The following SYNE3 variants were observed in gnomAD, a reference collection of about 807,000 sequenced individuals.
SYNE3 encodes nesprin-3.
A neutral mutation model predicts 111.2 loss-of-function variants in SYNE3; 100 were observed. That is an observed-to-expected ratio of 0.90 (90% CI 0.77 to 1.06). The LOEUF is 1.06. Ranked by LOEUF, SYNE3 falls within the 50% of genes least tolerant of loss-of-function variation. The pLI is 0.00. For missense variants in SYNE3, 1,160 were observed against 1,240.3 expected, an observed-to-expected ratio of 0.94 and a Z score of 0.97; for synonymous variants, 547 against 533.9, an observed-to-expected ratio of 1.02 and a Z score of -0.34.
chr14:95,435,255 A>T (rs1233301948), intron 15 of SYNE3, among the ~76,000 whole-genome samples: 1 of 152,150 alleles, frequency 6.6e-6, no homozygotes, highest in Non-Finnish European at 1.5e-5. Flanking sequence ...AAAAAAAGAT[A>T]AGAAAAATGA....
intron 2 of SYNE3, among the ~76,000 whole-genome samples, chr14:95,474,073 G>A (rs1297085112): frequency 6.7e-6 from 1 of 150,164 alleles, no homozygotes; most frequent in African/African-American, 2.5e-5. Context: ...GCTAAGGCTG[G>A]TGTGAGCTTG....
At chr14:95,474,021 A>G (rs113893754) in intron 2 of SYNE3, among the ~76,000 whole-genome samples, 122 of 83,280 alleles carry the variant, frequency 1.5e-3, no homozygotes, top group East Asian at 2.6e-3. Flanking sequence ...AGTGGCTGGA[A>G]CTAAGGCTGG....
At chr14:95,509,384 T>A (rs1401871537) in intron 1 of SYNE3, among the ~76,000 whole-genome samples, 2 of 152,108 alleles carry the variant, frequency 1.3e-5, no homozygotes, top group Non-Finnish European at 2.9e-5. Context: ...GACCTAATCC[T>A]CAGAGCAAGG....
chr14:95,465,834 T>TAGCTTGATAGTAGGCAAAC, intron 4 of SYNE3, 97 bp downstream of exon 4: 1 of 1,309,536 alleles, frequency 7.6e-7, no homozygotes, highest in Non-Finnish European at 1.0e-6. Context: ...AGTAGGTAAA[T>TAGCTTGATAGTAGGCAAAC]AGCTTGATAG....
At chr14:95,475,242 G>A (rs971356403) in intron 2 of SYNE3, among the ~76,000 whole-genome samples, 3 of 152,228 alleles carry the variant, frequency 2.0e-5, no homozygotes, top group Non-Finnish European at 4.4e-5. Flanking sequence ...GCTGGGCAGA[G>A]CCCCTTCCCC....
At chr14:95,454,187 G>C (rs1181832643) in intron 6 of SYNE3, among the ~76,000 whole-genome samples, 2 of 152,260 alleles carry the variant, frequency 1.3e-5, no homozygotes, top group African/African-American at 2.4e-5. Context: ...GCAGTCCCAG[G>C]GGGGATGGAT....
chr14:95,445,786 C>T (rs1886677454), intron 9 of SYNE3, 123 bp downstream of exon 9: 1 of 1,075,292 alleles, frequency 9.3e-7, no homozygotes, highest in Non-Finnish European at 1.4e-6. Flanking sequence ...AAGGGATACA[C>T]CCAGGGCCAC....
chr14:95,472,700 GC>G (rs1026898250), intron 2 of SYNE3, among the ~76,000 whole-genome samples: 4 of 152,176 alleles, frequency 2.6e-5, no homozygotes, highest in Non-Finnish European at 5.9e-5. Flanking sequence ...AGACTTTGGA[GC>G]CCGGGCCTGC....
intron 2 of SYNE3, among the ~76,000 whole-genome samples, chr14:95,469,742 A>G (rs892700770): frequency 1.3e-5 from 2 of 152,114 alleles, no homozygotes; most frequent in African/African-American, 4.8e-5. Context: ...TAAAAATAAA[A>G]TAAAAACACT....
At chr14:95,507,648 G>T (rs952560671) in intron 1 of SYNE3, among the ~76,000 whole-genome samples, 8 of 152,352 alleles carry the variant, frequency 5.3e-5, no homozygotes, top group Non-Finnish European at 1.2e-4. Context: ...CTAAAATTAT[G>T]CCTGAGCAAA....
At chr14:95,491,828 T>A (rs1210984554) in intron 1 of SYNE3, among the ~76,000 whole-genome samples, 1 of 145,702 alleles carries the variant, frequency 6.9e-6, no homozygotes, top group Non-Finnish European at 1.5e-5. Flanking sequence ...TCCCACAGAA[T>A]GGAACAAAAT....
At chr14:95,508,734 C>T (rs998032059) in intron 1 of SYNE3, among the ~76,000 whole-genome samples, 3 of 152,182 alleles carry the variant, frequency 2.0e-5, no homozygotes, top group Non-Finnish European at 2.9e-5. Context: ...GTCCCAGGGA[C>T]GCCAAGAGAT....
At chr14:95,511,822 T>C (rs1890732588) in intron 1 of SYNE3, among the ~76,000 whole-genome samples, 1 of 152,180 alleles carries the variant, frequency 6.6e-6, no homozygotes, top group South Asian at 2.1e-4. Flanking sequence ...AGGAGGAGCC[T>C]TGTGACCCAA....
At chr14:95,477,319 C>A (rs527765097) in intron 1 of SYNE3, among the ~76,000 whole-genome samples, 2 of 152,350 alleles carry the variant, frequency 1.3e-5, no homozygotes, top group East Asian at 3.9e-4. Flanking sequence ...TCAGGCCTCT[C>A]TCTCCCTGGC....
intron 1 of SYNE3, among the ~76,000 whole-genome samples, chr14:95,494,267 T>A (rs1281899281): frequency 6.6e-6 from 1 of 152,174 alleles, no homozygotes; most frequent in Non-Finnish European, 1.5e-5. Flanking sequence ...GCTATGGGTG[T>A]TAAATGCAGA....
rs1196372510 is a variant in SYNE3 at position 95,445,919 on chromosome 14, C to G, written c.1622G>C (p.Ser541Thr). The change falls in exon 9 of 18, where the codon AGC becomes ACC. Residue 541 changes from serine (S) to threonine (T), a missense_variant. Ser to Thr is a moderately conservative substitution (Grantham distance 58). Coordinates refer to ENST00000682763, the MANE Select transcript of SYNE3 (RefSeq NM_152592.6). The part of the protein sequence containing the change: ...LLHNSLLQRK[S>T]KLQSLLAQHK... Reference sequence around the variant, plus strand: ...CCTGGTGCTGCACACCTGCAGTTTGCTTTTCCTCTGCAGGAGGCTGTTATG... The same window carrying G: ...CCTGGTGCTGCACACCTGCAGTTTGGTTTTCCTCTGCAGGAGGCTGTTATG... 1 of 1,613,802 alleles carries G rather than the reference C, an allele frequency of 6.2e-7. No individual in the cohort carries two copies. The highest frequency in any genetic ancestry group is 8.5e-7 in the Non-Finnish European group (1 of 1,179,936).
chr14:95,432,458 C>T (rs1184130597), intron 16 of SYNE3, among the ~76,000 whole-genome samples: 1 of 152,096 alleles, frequency 6.6e-6, no homozygotes, highest in South Asian at 2.1e-4. Flanking sequence ...GGGTCTGAGG[C>T]TGAAAGGGCC....
chr14:95,437,506 G>A (rs561990828), intron 14 of SYNE3, among the ~76,000 whole-genome samples: 2 of 152,230 alleles, frequency 1.3e-5, no homozygotes, highest in East Asian at 3.9e-4. Flanking sequence ...CCTCTGTGGG[G>A]AACACACCTC....
chr14:95,513,769 A>ATATATATATATG (rs1193746486), intron 1 of SYNE3, among the ~76,000 whole-genome samples: 7 of 133,438 alleles, frequency 5.2e-5, no homozygotes, highest in Non-Finnish European at 9.7e-5. Flanking sequence ...ATATATATAT[A>ATATATATATATG]TATTCAGAAT....
Sources: gnomAD v4.1 joint callset for allele counts (sites outside exome capture counted in the v4.1 genomes callset) on GRCh38, gnomAD v4.1.1 for gene constraint, MANE v1.5 for transcripts, NCBI Gene and HGNC (gene_info 2026-07-23, HGNC 2026-07-21) for gene names.